Variants in ZNF317 observed in about 807,000 individuals in gnomAD.
ZNF317 encodes zinc finger protein 317, also known as KRAB-containing zinc finger protein 317.
A neutral mutation model predicts 23.4 loss-of-function variants in ZNF317; 17 were observed. That is an observed-to-expected ratio of 0.73 (90% CI 0.50 to 1.09). ZNF317 has a LOEUF of 1.09. Ranked by LOEUF, ZNF317 falls within the 50% of genes least tolerant of loss-of-function variation. ZNF317 has a pLI of 0.00. For missense variants in ZNF317, 679 were observed against 796.7 expected, an observed-to-expected ratio of 0.85 and a Z score of 1.78; for synonymous variants, 317 against 314.9, an observed-to-expected ratio of 1.01 and a Z score of -0.07.
intron 1 of ZNF317, among the ~76,000 whole-genome samples, chr19:9,155,120 C>T (rs1269131359): frequency 1.3e-5 from 2 of 152,004 alleles, no homozygotes; most frequent in South Asian, 2.1e-4. Context: ...AATCTGAATA[C>T]GAATTCTTTT....
At chr19:9,157,426 T>A in intron 4 of ZNF317, 32 bp downstream of exon 4, 3 of 1,613,012 alleles carry the variant, frequency 1.9e-6, no homozygotes, top group Non-Finnish European at 2.5e-6. Flanking sequence ...CACTTATTCA[T>A]CCATGAATTA....
chr19:9,157,957 C>T, intron 4 of ZNF317, 23 bp from the exon 5 acceptor site: 1 of 1,549,878 alleles, frequency 6.5e-7, no homozygotes, highest in South Asian at 1.2e-5. Flanking sequence ...CTCCCTCAAC[C>T]TGTGTCTTTC....
intron 1 of ZNF317, among the ~76,000 whole-genome samples, chr19:9,153,149 TTTGTTTGTTTG>T (rs2050750845): frequency 1.2e-5 from 1 of 84,788 alleles, no homozygotes; most frequent in Admixed American, 1.1e-4. Flanking sequence ...GGTAGTTGTT[TTTGTTTGTTTG>T]TTTGTTTGTT....
At position 9,148,013 on chromosome 19, in the gene ZNF317, G is replaced by A. The variant is rs116546206; in HGVS notation, c.-93+7421G>A. Among the ~76,000 whole-genome samples the A allele has an allele frequency of 8.3e-3, 1,266 of 152,160 alleles. 15 individuals carry two copies. The highest frequency in any genetic ancestry group is 0.029 in the African/African-American group (1,214 of 41,508). ...AGATCCGGTCATTTACACGTGTGTG[G>A]CACCTCCTCCCAACCCTGCTGTCTT... is the stretch of plus-strand genomic sequence containing the variant. On this transcript the variant is annotated intron_variant, in intron 1 of 6. Coordinates refer to ENST00000247956, the MANE Select transcript of ZNF317 (RefSeq NM_020933.5).
chr19:9,158,707 C>T (rs2050815154), intron 5 of ZNF317, 119 bp from the exon 6 acceptor site: 1 of 697,660 alleles, frequency 1.4e-6, no homozygotes, highest in Non-Finnish European at 2.5e-6. Flanking sequence ...TTAACAATTG[C>T]TTTTGCACCA....
At position 9,156,562 on chromosome 19, in the gene ZNF317, T is replaced by G. The variant is rs376034019; in HGVS notation, c.26-50T>G. The G allele has an allele frequency of 3.2e-5, 51 of 1,588,650 alleles. No individual in the cohort carries two copies. The African/African-American group carries it at 6.3e-4, about 20-fold the overall frequency. ...GTTTCCTGGTTTACAAGTGTTGTAT[T>G]ATGAGACAGGGCAGGCTCTGATTCT... is the stretch of plus-strand genomic sequence containing the variant. On this transcript the variant is annotated intron_variant, in intron 2 of 6. Coordinates refer to ENST00000247956, the MANE Select transcript of ZNF317 (RefSeq NM_020933.5).
At chr19:9,152,161 C>T (rs923306132) in intron 1 of ZNF317, among the ~76,000 whole-genome samples, 1 of 152,034 alleles carries the variant, frequency 6.6e-6, no homozygotes, top group African/African-American at 2.4e-5. Context: ...CCGCCTCGGC[C>T]TCCCAAAATG....
chr19:9,142,233 G>A (rs951766800), intron 1 of ZNF317, among the ~76,000 whole-genome samples: 26 of 152,194 alleles, frequency 1.7e-4, no homozygotes, highest in African/African-American at 6.0e-4. Flanking sequence ...GTTCTTCGTA[G>A]ACAAGGAAAA....
intron 1 of ZNF317, among the ~76,000 whole-genome samples, chr19:9,153,257 G>T (rs1600226923): frequency 6.6e-6 from 1 of 152,140 alleles, no homozygotes; most frequent in East Asian, 1.9e-4. Flanking sequence ...CGCCTCCCGG[G>T]TTCAAGCGAT....
At position 9,161,464 on chromosome 19, in the gene ZNF317, C is replaced by A; in HGVS notation, c.*31C>A. ...CCTGCTTTAGAGACACAGGATGATT[C>A]AGACCGGAAACAGACCTCGTGGGTG... On this transcript the variant is annotated 3_prime_UTR_variant, in exon 7 of 7. Coordinates refer to ENST00000247956, the MANE Select transcript of ZNF317 (RefSeq NM_020933.5). The surrounding 1 kb of genome is among the most constrained non-coding windows in gnomAD (Gnocchi z 4.0). 2 of 1,581,874 alleles carry A rather than the reference C, an allele frequency of 1.3e-6. No individual in the cohort carries two copies. The highest frequency in any genetic ancestry group is 2.3e-5 in the South Asian group (2 of 86,182).
intron 6 of ZNF317, among the ~76,000 whole-genome samples, 157 bp from the exon 7 acceptor site, chr19:9,159,957 A>G (rs575169113): frequency 3.9e-5 from 6 of 152,220 alleles, no homozygotes; most frequent in Non-Finnish European, 8.8e-5. Flanking sequence ...ATGGAGCTCA[A>G]ATGGGGCAGG....
chr19:9,159,826 C>T lies in ZNF317; in HGVS notation c.469-288C>T, dbSNP rs968471482. 8.3e-4 allele frequency among the ~76,000 whole-genome samples: 127 copies of T among 152,194 alleles called. 1 individual carries two copies. The highest frequency in any genetic ancestry group is 1.9e-4 in the Non-Finnish European group (13 of 68,034). ...CCTTCCAGAGTGCTGGGATGACAGG[C>T]GTGAGCCACCTTGCCCAGCCTCAAT... is the stretch of plus-strand genomic sequence containing the variant. On this transcript the variant is annotated intron_variant, in intron 6 of 6. Coordinates refer to ENST00000247956, the MANE Select transcript of ZNF317 (RefSeq NM_020933.5).
rs2050817466 is a variant in ZNF317 at position 9,158,898 on chromosome 19, G to T, written c.458G>T (p.Gly153Val). ...ATTTTTGGGAAGGAAACGCCCAGTG[G>T]TGTGACGATGGTAAGATTTCCGTGG... ...EDIFGKETPSGVTMERAGLGE... is the reference protein window; with the variant it reads ...EDIFGKETPSVVTMERAGLGE... The change falls in exon 6 of 7, where the codon GGT becomes GTT. Residue 153 changes from glycine (G) to valine (V), a missense_variant. Coordinates refer to ENST00000247956, the MANE Select transcript of ZNF317 (RefSeq NM_020933.5). The T allele has an allele frequency of 1.2e-6, 2 of 1,609,334 alleles. No homozygotes were observed. The highest frequency in any genetic ancestry group is 1.3e-5 in the African/African-American group (1 of 74,924).
At position 9,162,568 on chromosome 19, in the gene ZNF317, C is replaced by G. The variant is rs2050871131; in HGVS notation, c.*1135C>G. On this transcript the variant is annotated 3_prime_UTR_variant, in exon 7 of 7. Coordinates refer to ENST00000247956, the MANE Select transcript of ZNF317 (RefSeq NM_020933.5). ...TTACTCTTTCATCACGGAAACAGAC[C>G]CCCCGAGAGAAGCCCCAACGAGATT... The G allele has an allele frequency of 2.4e-5, 1 of 41,576 alleles. No homozygotes were observed. Among genetic ancestry groups the G allele is most frequent in the South Asian group, 3.9e-4 (1 of 2,552 alleles). The allele number at this position is 41,576 out of a possible 1,614,324, so 2.6% of individuals were successfully genotyped here. A position where few individuals can be genotyped will look rare whatever the true frequency, so the allele number is the denominator to read the frequency against.
chr19:9,155,928 C>T lies in ZNF317; in HGVS notation c.-89C>T, dbSNP rs778385889. ...GATGTTCTTTCATTTGCTACAGATG[C>T]CAGCTTGGAGAGTCACGTGAGAGCA... On this transcript the variant is annotated 5_prime_UTR_variant, in exon 2 of 7. Transcript: ENST00000247956. 1.4e-5 allele frequency: 22 copies of T among 1,519,836 alleles called. No individual in the cohort carries two copies. Among genetic ancestry groups the T allele is most frequent in the Non-Finnish European group, 2.0e-5 (22 of 1,094,870 alleles). 94.1% of individuals were successfully genotyped at this position (1,519,836 alleles called of 1,614,324 possible).
At chr19:9,151,492 C>T (rs1600225878) in intron 1 of ZNF317, among the ~76,000 whole-genome samples, 2 of 151,814 alleles carry the variant, frequency 1.3e-5, no homozygotes, top group South Asian at 4.2e-4. Flanking sequence ...AAAGTAGCAG[C>T]GTCACGGTTC....
In ZNF317 at chr19:9,160,002, T is replaced by A; in HGVS notation, c.469-112T>A. On this transcript the variant is annotated intron_variant, in intron 6 of 6. Coordinates refer to ENST00000247956, the MANE Select transcript of ZNF317 (RefSeq NM_020933.5). This position sits in a 1 kb window ranked among gnomAD's most constrained non-coding sequence, Gnocchi z 6.8. Reference sequence around the variant, plus strand: ...TTTGCACGGCAGATGGTTACAGCTCTAGTCATAGTAATGTGCTTCTATCTG... The same window carrying A: ...TTTGCACGGCAGATGGTTACAGCTCAAGTCATAGTAATGTGCTTCTATCTG... 6.7e-7 allele frequency: 1 copy of A among 1,481,626 alleles called. No individual in the cohort carries two copies. Among genetic ancestry groups the A allele is most frequent in the Non-Finnish European group, 9.2e-7 (1 of 1,087,684 alleles). 91.8% of individuals were successfully genotyped at this position (1,481,626 alleles called of 1,614,324 possible).
rs1271164076 is a variant in ZNF317, at chr19:9,163,021, T to A, written c.*1588T>A. The stretch of plus-strand genomic sequence containing the variant: ...TCCAGGTTCTGTCAGATTAGTAAGG[T>A]GTGCTAATCTAAATTTTAAAAAATC... On this transcript the variant is annotated 3_prime_UTR_variant, in exon 7 of 7. Coordinates refer to ENST00000247956, the MANE Select transcript of ZNF317 (RefSeq NM_020933.5). 6.6e-6 allele frequency: 1 copy of A among 152,166 alleles called. No individual in the cohort carries two copies. The highest frequency in any genetic ancestry group is 1.5e-5 in the Non-Finnish European group (1 of 68,018). 9.4% of individuals were successfully genotyped at this position (152,166 alleles called of 1,614,324 possible).
intron 1 of ZNF317, among the ~76,000 whole-genome samples, chr19:9,154,118 G>C (rs2050761324): frequency 7.2e-6 from 1 of 139,670 alleles, no homozygotes; most frequent in Admixed American, 7.0e-5. Flanking sequence ...CCTTGAGAAG[G>C]GAGGGCAGAC....
Sources: allele counts gnomAD v4.1 joint callset (sites outside exome capture counted in the v4.1 genomes callset), GRCh38; gene constraint gnomAD v4.1.1; non-coding constraint Gnocchi (gnomAD v3.1); transcripts MANE v1.5; gene names NCBI Gene and HGNC (gene_info 2026-07-23, HGNC 2026-07-21).